DGKB: variants seen among roughly 807,000 people sequenced by gnomAD.
The protein encoded by DGKB is diacylglycerol kinase beta.
Under a neutral mutation model 114.3 loss-of-function variants are expected in DGKB, and 67 were observed. The ratio of observed to expected loss-of-function variants is 0.59; its 90% confidence interval spans 0.48 to 0.72. The LOEUF (loss-of-function observed/expected upper bound fraction) is 0.72. Ranked by LOEUF, DGKB falls within the 30% of genes least tolerant of loss-of-function variation. The pLI, the probability that DGKB is intolerant of heterozygous loss-of-function variation, is 0.00. For missense variants in DGKB, 907 were observed against 975.2 expected, an observed-to-expected ratio of 0.93 and a Z score of 0.93; for synonymous variants, 398 against 323.1, an observed-to-expected ratio of 1.23 and a Z score of -2.49.
Position 14,718,712 on chromosome 7 carries a change from T to C in DGKB, c.323-27A>G, listed in dbSNP as rs764349435. On this transcript the variant is annotated intron_variant, in intron 5 of 25. Coordinates refer to ENST00000402815, the MANE Select transcript of DGKB (RefSeq NM_001350709.2). ...TGGAAAAAAAATTGTCTTTATATTT[T>C]GTTAATTATTTACAGTGATCTCAAA... is the stretch of plus-strand genomic sequence containing the variant. 9 of 1,558,450 alleles carry C rather than the reference T, an allele frequency of 5.8e-6. No homozygotes were observed. In the African/African-American group the frequency reaches 9.5e-5, roughly 17 times the overall value.
intron 2 of DGKB, among the ~76,000 whole-genome samples, chr7:14,817,159 C>A (rs1374463194): frequency 6.6e-6 from 1 of 152,108 alleles, no homozygotes; most frequent in African/African-American, 2.4e-5. Flanking sequence ...CCTCGGGGAT[C>A]TTGACTTTCA....
At chr7:14,669,164 C>CT (rs1563854190) in intron 13 of DGKB, among the ~76,000 whole-genome samples, 2 of 152,098 alleles carry the variant, frequency 1.3e-5, no homozygotes, top group African/African-American at 4.8e-5. Context: ...AGTATTATAT[C>CT]TTTTTGCCAT....
At chr7:14,739,306 A>G (rs948510318) in intron 4 of DGKB, among the ~76,000 whole-genome samples, 8 of 152,204 alleles carry the variant, frequency 5.3e-5, no homozygotes, top group African/African-American at 1.9e-4. Flanking sequence ...CATGCTCAGT[A>G]AGGGAAATAA....
intron 1 of DGKB, among the ~76,000 whole-genome samples, chr7:14,923,049 T>C (rs940249948): frequency 5.3e-5 from 8 of 152,164 alleles, no homozygotes; most frequent in African/African-American, 9.7e-5. Flanking sequence ...ACCATTCTTC[T>C]AGAATTGCTG....
At chr7:14,913,343 G>A (rs1404692260) in intron 1 of DGKB, among the ~76,000 whole-genome samples, 1 of 151,004 alleles carries the variant, frequency 6.6e-6, no homozygotes, top group Non-Finnish European at 1.5e-5. Context: ...CACCATTATG[G>A]CACTTTTTAC....
chr7:14,776,462 C>A (rs1276652372), intron 2 of DGKB, among the ~76,000 whole-genome samples: 1 of 152,124 alleles, frequency 6.6e-6, no homozygotes, highest in Non-Finnish European at 1.5e-5. Context: ...TGGACTGGGC[C>A]CAGGGCCCAC....
chr7:14,680,767 A>G (rs1003084082), intron 12 of DGKB, among the ~76,000 whole-genome samples: 11 of 151,976 alleles, frequency 7.2e-5, no homozygotes, highest in African/African-American at 2.7e-4. Context: ...GAATGAGAGG[A>G]TTCAAATACA....
intron 1 of DGKB, among the ~76,000 whole-genome samples, chr7:14,948,190 G>T (rs375230694): frequency 1.3e-5 from 2 of 151,788 alleles, no homozygotes; most frequent in African/African-American, 4.8e-5. Context: ...AATCTTAACA[G>T]ATTTCTTTTC....
At chr7:14,845,730 G>C (rs542558484) in intron 1 of DGKB, among the ~76,000 whole-genome samples, 1 of 151,958 alleles carries the variant, frequency 6.6e-6, no homozygotes, top group South Asian at 2.1e-4. Context: ...CTGAGGTTGA[G>C]AAAGAGAAAA....
intron 23 of DGKB, among the ~76,000 whole-genome samples, chr7:14,200,384 T>C (rs78463747): frequency 2.0e-5 from 3 of 152,100 alleles, no homozygotes; most frequent in East Asian, 1.9e-4. Flanking sequence ...CAACTCCTCA[T>C]TGTTGAGCAT....
intron 6 of DGKB, among the ~76,000 whole-genome samples, chr7:14,707,352 G>C (rs1415259957): frequency 1.3e-5 from 2 of 150,022 alleles, no homozygotes; most frequent in Non-Finnish European, 3.0e-5. Flanking sequence ...AAGAGTCCAG[G>C]GCCAGATGGA....
At chr7:14,230,243 A>T (rs1791505417) in intron 23 of DGKB, among the ~76,000 whole-genome samples, 1 of 152,022 alleles carries the variant, frequency 6.6e-6, no homozygotes, top group Non-Finnish European at 1.5e-5. Context: ...ACACAATTCA[A>T]ATTTATTCCA....
At chr7:14,157,448 C>T (rs866832458) in intron 25 of DGKB, among the ~76,000 whole-genome samples, 5 of 148,338 alleles carry the variant, frequency 3.4e-5, no homozygotes, top group Admixed American at 6.7e-5. Context: ...TTAAAGTCTT[C>T]GATCTAACAT....
At chr7:14,865,964 G>A (rs747555566) in intron 1 of DGKB, among the ~76,000 whole-genome samples, 1 of 152,102 alleles carries the variant, frequency 6.6e-6, no homozygotes, top group African/African-American at 2.4e-5. Context: ...GCATTTCACT[G>A]TATAACCAAA....
At chr7:14,687,661 T>G (rs1296451273) in intron 9 of DGKB, among the ~76,000 whole-genome samples, 1 of 152,134 alleles carries the variant, frequency 6.6e-6, no homozygotes, top group African/African-American at 2.4e-5. Flanking sequence ...TTTAAAAAAT[T>G]AAAAGTAGTA....
chr7:14,720,304 A>AT (rs897479358), intron 5 of DGKB, among the ~76,000 whole-genome samples: 11 of 151,524 alleles, frequency 7.3e-5, no homozygotes, highest in South Asian at 2.1e-4. Context: ...TTTATTTTTA[A>AT]TTTTTTTTAT....
chr7:14,764,434 C>T (rs943231471), intron 2 of DGKB, among the ~76,000 whole-genome samples: 9 of 151,846 alleles, frequency 5.9e-5, no homozygotes, highest in Non-Finnish European at 1.2e-4. Flanking sequence ...AGTGCTTTAT[C>T]TTCATTTAAC....
chr7:14,933,479 G>T (rs141325717), intron 1 of DGKB, among the ~76,000 whole-genome samples: 22 of 152,234 alleles, frequency 1.4e-4, no homozygotes, highest in African/African-American at 4.6e-4. Flanking sequence ...TGAATGAATA[G>T]AATGCATTTT....
At chr7:14,685,764 C>T (rs74509189) in intron 9 of DGKB, among the ~76,000 whole-genome samples, 1,963 of 152,122 alleles carry the variant, frequency 0.013, 20 homozygotes, top group Non-Finnish European at 0.019. Context: ...CAAAGAAAAA[C>T]CTGCAAAGAC....
Sources: allele counts gnomAD v4.1 joint callset (sites outside exome capture counted in the v4.1 genomes callset), GRCh38; gene constraint gnomAD v4.1.1; transcripts MANE v1.5; gene names NCBI Gene and HGNC (gene_info 2026-07-23, HGNC 2026-07-21).